MLPH: variants seen among roughly 807,000 people sequenced by gnomAD.
The protein encoded by MLPH is exophilin-3.
A neutral mutation model predicts 72.1 loss-of-function variants in MLPH; 51 were observed. That is an observed-to-expected ratio of 0.71 (90% confidence interval 0.56 to 0.89). The LOEUF is 0.89. Ranked by LOEUF, MLPH falls within the 40% of genes least tolerant of loss-of-function variation. The pLI is 0.00. For missense variants in MLPH, 743 were observed against 759.9 expected, an observed-to-expected ratio of 0.98 and a Z score of 0.26; for synonymous variants, 301 against 310.1, an observed-to-expected ratio of 0.97 and a Z score of 0.31.
rs144380691 is a variant in MLPH, at chr2:237,554,851, G to C, written c.*1259G>C. On this transcript the variant is annotated 3_prime_UTR_variant, in exon 16 of 16. Coordinates refer to ENST00000264605, the MANE Select transcript of MLPH (RefSeq NM_024101.7). ...GTGTTGCTGGGAGGCTGATACTCCT[G>C]CAACTTCAGGAGACCTGTGAGCACA... 6.6e-5 allele frequency: 10 copies of C among 152,328 alleles called. No individual in the cohort carries two copies. The East Asian group carries it at 1.7e-3, about 26-fold the overall frequency. 9.4% of individuals were successfully genotyped at this position (152,328 alleles called of 1,614,324 possible).
rs774475016 is a variant in MLPH at position 237,549,178 on chromosome 2, C to T, written c.1618-43C>T. On this transcript the variant is annotated intron_variant, in intron 13 of 15. Transcript: ENST00000264605. ...CCAAAATTAGTTGACAATTCCTAAACGTCACAACTTGATGAAGCCTGGAGA... is the reference window on the plus strand; with the variant it reads ...CCAAAATTAGTTGACAATTCCTAAATGTCACAACTTGATGAAGCCTGGAGA... 32 of 1,587,766 alleles carry T rather than the reference C, an allele frequency of 2.0e-5. No individual in the cohort carries two copies. The Middle Eastern group carries it at 5.0e-4, about 25-fold the overall frequency.
intron 4 of MLPH, among the ~76,000 whole-genome samples, chr2:237,511,924 A>T (rs1376369224): frequency 1.3e-5 from 2 of 152,156 alleles, no homozygotes; most frequent in African/African-American, 4.8e-5. Flanking sequence ...CTAACCCATC[A>T]GTGTTTTTGA....
Position 237,505,737 on chromosome 2 carries a change from C to T in MLPH, c.111-4837C>T, listed in dbSNP as rs181061667. ...TTCCTTCCTGTTCCCGTCCTAGAAG[C>T]GTTTTCCTTCCCTGGTATACGCCCT... On this transcript the variant is annotated intron_variant, in intron 2 of 15. Coordinates refer to ENST00000264605, the MANE Select transcript of MLPH (RefSeq NM_024101.7). The surrounding 1 kb of genome is among the most constrained non-coding windows in gnomAD (Gnocchi z 4.5). Among the ~76,000 whole-genome samples, 34 of 152,326 alleles carry T rather than the reference C, an allele frequency of 2.2e-4. No individual in the cohort carries two copies. The highest frequency in any genetic ancestry group is 6.3e-4 in the African/African-American group (26 of 41,574).
At chr2:237,547,847 G>A (rs928572226) in intron 13 of MLPH, among the ~76,000 whole-genome samples, 1 of 151,990 alleles carries the variant, frequency 6.6e-6, no homozygotes, top group Non-Finnish European at 1.5e-5. Context: ...GGAGGGAGTT[G>A]CTCCCCGTGT....
chr2:237,488,346 G>A (rs552118248), intron 1 of MLPH, among the ~76,000 whole-genome samples: 20 of 152,050 alleles, frequency 1.3e-4, no homozygotes, highest in South Asian at 4.2e-4. Flanking sequence ...TTGACACCCC[G>A]GGTTCAGCTG....
intron 6 of MLPH, among the ~76,000 whole-genome samples, chr2:237,521,707 A>C (rs1387196754): frequency 6.6e-6 from 1 of 152,262 alleles, no homozygotes; most frequent in Non-Finnish European, 1.5e-5. Flanking sequence ...GTAGAAGCAG[A>C]TGAGCAGGAA....
intron 12 of MLPH, among the ~76,000 whole-genome samples, chr2:237,543,069 A>G (rs1371622960): frequency 6.2e-3 from 162 of 26,196 alleles, no homozygotes; most frequent in Middle Eastern, 0.045. Flanking sequence ...TGGGCACGGT[A>G]GTGAGTGGGG....
chr2:237,549,112 G>A (rs1453084455), intron 13 of MLPH, 109 bp from the exon 14 acceptor site: 21 of 930,226 alleles, frequency 2.3e-5, no homozygotes, highest in Non-Finnish European at 3.5e-5. Context: ...GCAGAAAATA[G>A]TGGCCATGGT....
chr2:237,511,579 G>C, intron 4 of MLPH: 1 of 181,334 alleles, frequency 5.5e-6, no homozygotes, highest in South Asian at 1.2e-4. Context: ...AAACCCAGCT[G>C]CTGATTGAAT....
chr2:237,497,909 G>C (rs149468336), intron 2 of MLPH, among the ~76,000 whole-genome samples: 108 of 152,316 alleles, frequency 7.1e-4, no homozygotes, highest in African/African-American at 2.5e-3. Context: ...GAAGAAACTG[G>C]TGCTCGAGGG....
Position 237,518,649 on chromosome 2 carries a change from G to A in MLPH, c.555+1G>A, listed in dbSNP as rs1476249315. The stretch of plus-strand genomic sequence containing the variant: ...CCAGGCCCAGCCCTTTGGCAGCAAA[G>A]TAAGTCATCTCCAGCCACCCCCTCC... On this transcript the variant is annotated splice_donor_variant, in intron 5 of 15. Transcript: ENST00000264605. LOFTEE classifies it high-confidence loss of function. 6.2e-7 allele frequency: 1 copy of A among 1,610,584 alleles called. No individual in the cohort carries two copies. The highest frequency in any genetic ancestry group is 8.5e-7 in the Non-Finnish European group (1 of 1,178,306).
intron 1 of MLPH, among the ~76,000 whole-genome samples, chr2:237,493,076 G>A (rs1481269671): frequency 1.3e-5 from 2 of 152,204 alleles, no homozygotes; most frequent in Admixed American, 1.3e-4. Context: ...CCCAACCCTA[G>A]GTGAGGGAGA....
chr2:237,508,658 C>T (rs1408690072), intron 2 of MLPH, among the ~76,000 whole-genome samples: 1 of 152,174 alleles, frequency 6.6e-6, no homozygotes, highest in Non-Finnish European at 1.5e-5. Context: ...CTTTGAAGAC[C>T]ACTCTTCGAA....
chr2:237,523,061 G>C (rs565754455), intron 6 of MLPH, among the ~76,000 whole-genome samples: 29 of 152,334 alleles, frequency 1.9e-4, no homozygotes, highest in Middle Eastern at 3.4e-3. Flanking sequence ...GTTTGGGTCT[G>C]AGTTTATATA....
chr2:237,553,540 T>C (rs1177288396), intron 15 of MLPH, 26 bp from the exon 16 acceptor site: 26 of 1,611,848 alleles, frequency 1.6e-5, no homozygotes, highest in Non-Finnish European at 2.2e-5. Context: ...TGTGCTTATA[T>C]GTGCATGTGT....
At chr2:237,538,942 G>A (rs981044504) in intron 9 of MLPH, among the ~76,000 whole-genome samples, 9 of 152,206 alleles carry the variant, frequency 5.9e-5, no homozygotes, top group East Asian at 1.9e-4. Flanking sequence ...CAGAGGTGCC[G>A]GGGCTGCCGT....
At chr2:237,496,593 G>T (rs1156289736) in intron 2 of MLPH, among the ~76,000 whole-genome samples, 1 of 152,212 alleles carries the variant, frequency 6.6e-6, no homozygotes, top group Non-Finnish European at 1.5e-5. Context: ...GACCCTGCCT[G>T]GTGGGCCGCT....
At chr2:237,525,579 G>A (rs1239516080) in intron 6 of MLPH, 22 bp from the exon 7 acceptor site, 2 of 1,613,342 alleles carry the variant, frequency 1.2e-6, no homozygotes, top group African/African-American at 2.7e-5. Context: ...TGCAGAGGAG[G>A]CTGACAGCCC....
intron 8 of MLPH, among the ~76,000 whole-genome samples, chr2:237,528,352 T>C (rs2080348926): frequency 6.9e-6 from 1 of 145,476 alleles, no homozygotes; most frequent in African/African-American, 2.8e-5. Flanking sequence ...AAATTTATTT[T>C]TTTTTAATTT....
Sources: allele counts gnomAD v4.1 joint callset (sites outside exome capture counted in the v4.1 genomes callset), GRCh38; gene constraint gnomAD v4.1.1; non-coding constraint Gnocchi (gnomAD v3.1); transcripts MANE v1.5; gene names NCBI Gene and HGNC (gene_info 2026-07-23, HGNC 2026-07-21).